CPVL: variants seen among roughly 807,000 people sequenced by gnomAD.
CPVL encodes the protein carboxypeptidase vitellogenic like, also known as probable serine carboxypeptidase CPVL.
CPVL carries 51 observed loss-of-function variants against 63.7 expected under a neutral mutation model. That is an observed-to-expected ratio of 0.80 (90% CI 0.64 to 1.01). The LOEUF (loss-of-function observed/expected upper bound fraction) is 1.01. CPVL is among the 50% of genes least tolerant of loss of function. The pLI is 0.00. For synonymous variants in CPVL, 195 were observed against 206.0 expected (o/e 0.95, Z 0.46); for missense variants, 530 against 573.1 (o/e 0.92, Z 0.77).
chr7:29,035,932 A>G (rs1216310952), intron 11 of CPVL, among the ~76,000 whole-genome samples: 2 of 152,224 alleles, frequency 1.3e-5, no homozygotes, highest in African/African-American at 2.4e-5. Flanking sequence ...TTTCCCTGGA[A>G]TTGGAATCAT....
rs368446497 is a variant in CPVL, at chr7:29,167,340, C to T, written c.-11+13950G>A. On this transcript the variant is annotated intron_variant, in intron 5 of 16. Coordinates refer to the CPVL transcript ENST00000409850. ...CCAGATGAACATGTATCTGTTCATTCATATTCTATCCTAAATGGTATTTCA... is the reference window on the plus strand; with the variant it reads ...CCAGATGAACATGTATCTGTTCATTTATATTCTATCCTAAATGGTATTTCA... Among the ~76,000 whole-genome samples, 14 of 152,244 alleles carry T rather than the reference C, an allele frequency of 9.2e-5. No individual in the cohort carries two copies. In the East Asian group the frequency reaches 1.2e-3, roughly 13 times the overall value.
chr7:29,164,706 G>GGGAGGC (rs1406232496), intron 5 of CPVL, among the ~76,000 whole-genome samples: 2 of 146,912 alleles, frequency 1.4e-5, no homozygotes, highest in Admixed American at 6.8e-5. Flanking sequence ...ACTTGAACCT[G>GGGAGGC]GGAGGCGGAG....
chr7:29,024,671 C>T (rs188588208), intron 12 of CPVL, among the ~76,000 whole-genome samples: 81 of 152,204 alleles, frequency 5.3e-4, no homozygotes, highest in African/African-American at 1.7e-3. Flanking sequence ...TTATAAGCCA[C>T]GAGAAAATGA....
At chr7:29,106,330 G>A (rs189358825) in intron 3 of CPVL, among the ~76,000 whole-genome samples, 1 of 152,222 alleles carries the variant, frequency 6.6e-6, no homozygotes, top group African/African-American at 2.4e-5. Flanking sequence ...AAGGCCTAGG[G>A]TATATTGTGT....
intron 3 of CPVL, among the ~76,000 whole-genome samples, chr7:29,110,409 G>T (rs1350813825): frequency 6.6e-6 from 1 of 152,148 alleles, no homozygotes; most frequent in Non-Finnish European, 1.5e-5. Context: ...TTTCTTTCTG[G>T]TAAAAGGCGT....
At chr7:28,996,583 C>T (rs1784094117) in intron 12 of CPVL, among the ~76,000 whole-genome samples, 1 of 150,238 alleles carries the variant, frequency 6.7e-6, no homozygotes, top group Non-Finnish European at 1.5e-5. Flanking sequence ...AAACTTGACA[C>T]TTGAAATGAA....
intron 11 of CPVL, among the ~76,000 whole-genome samples, chr7:29,050,830 C>G (rs548946203): frequency 8.6e-5 from 13 of 151,448 alleles, no homozygotes; most frequent in Admixed American, 3.3e-4. Context: ...CTGGAGGCAT[C>G]ACACTACCTG....
chr7:29,102,897 CAAT>C (rs1174688141), intron 3 of CPVL, among the ~76,000 whole-genome samples: 4 of 152,138 alleles, frequency 2.6e-5, no homozygotes, highest in Admixed American at 1.3e-4. Context: ...TGCTTATTCA[CAAT>C]GATGATGAAA....
Position 29,189,536 on chromosome 7 carries a change from T to C in CPVL, c.-447-2989A>G, listed in dbSNP as rs142121345. 2.6e-3 allele frequency among the ~76,000 whole-genome samples: 396 copies of C among 152,298 alleles called. 1 individual carries two copies. Among genetic ancestry groups the C allele is most frequent in the Non-Finnish European group, 4.6e-3 (316 of 68,008 alleles). ...TTTATCCTAGATTTCTCTTAGGACATTGAAGACAGAAAAGATGTTTGTAAC... is the reference window on the plus strand; with the variant it reads ...TTTATCCTAGATTTCTCTTAGGACACTGAAGACAGAAAAGATGTTTGTAAC... On this transcript the variant is annotated intron_variant, in intron 1 of 16. Transcript: ENST00000409850.
At chr7:29,001,377 A>G (rs1005071845) in intron 12 of CPVL, 5 of 152,162 alleles carry the variant, frequency 3.3e-5, no homozygotes, top group African/African-American at 1.2e-4. Context: ...GTGGTTTCTG[A>G]TTTACATGTA....
At chr7:29,165,244 C>G (rs1296884053) in intron 5 of CPVL, among the ~76,000 whole-genome samples, 1 of 152,050 alleles carries the variant, frequency 6.6e-6, no homozygotes, top group Non-Finnish European at 1.5e-5. Context: ...ATATAAAGGT[C>G]TTGCATAAGT....
intron 12 of CPVL, among the ~76,000 whole-genome samples, chr7:29,023,328 C>A (rs145550868): frequency 4.1e-4 from 62 of 152,344 alleles, no homozygotes; most frequent in African/African-American, 1.4e-3. Context: ...AAAGGCCCAT[C>A]TTATAGGGCA....
rs202217142 is a variant in CPVL at position 29,107,769 on chromosome 7, G to T, written c.288+4935C>A. The stretch of plus-strand genomic sequence containing the variant: ...ATTTCTGGTGAGCAGTAGCACATTT[G>T]GGAATTCCTGTCCTCTTCCACATTA... On this transcript the variant is annotated intron_variant, in intron 3 of 12. Coordinates refer to ENST00000265394, the MANE Select transcript of CPVL (RefSeq NM_031311.5). Among the ~76,000 whole-genome samples the T allele has an allele frequency of 4.9e-3, 752 of 152,270 alleles. 8 individuals are homozygous for T. Among genetic ancestry groups the T allele is most frequent in the African/African-American group, 0.017 (716 of 41,564 alleles).
At chr7:29,143,265 C>G (rs757119004) in intron 1 of CPVL, among the ~76,000 whole-genome samples, 35 of 152,228 alleles carry the variant, frequency 2.3e-4, no homozygotes, top group Non-Finnish European at 4.4e-4. Context: ...CCTAACCCTA[C>G]CCTGCCTTTT....
chr7:29,096,075 T>C (rs1786372621), intron 4 of CPVL, 28 bp downstream of exon 4: 3 of 1,546,538 alleles, frequency 1.9e-6, no homozygotes, highest in Admixed American at 1.7e-5. Context: ...AAAGATTCTA[T>C]AGGAAATACA....
At chr7:29,036,241 T>A (rs1179816920) in intron 11 of CPVL, among the ~76,000 whole-genome samples, 1 of 152,152 alleles carries the variant, frequency 6.6e-6, no homozygotes, top group East Asian at 1.9e-4. Flanking sequence ...TTCAGCCCCT[T>A]TTCTGGACAT....
Position 29,114,017 on chromosome 7 carries a change from G to A in CPVL, c.170-1195C>T, listed in dbSNP as rs191757396. On this transcript the variant is annotated intron_variant, in intron 2 of 12. Coordinates refer to ENST00000265394, the MANE Select transcript of CPVL (RefSeq NM_031311.5). ...GAAGCTTGACTCCTCACATGCCATC[G>A]ACTAAAGATGCCTTTGACGGTAGGT... Among the ~76,000 whole-genome samples the A allele has an allele frequency of 2.8e-3, 422 of 152,278 alleles. 2 individuals carry two copies. The highest frequency in any genetic ancestry group is 4.5e-3 in the Non-Finnish European group (306 of 68,026).
At chr7:29,057,556 C>G (rs992013532) in intron 11 of CPVL, among the ~76,000 whole-genome samples, 1 of 152,112 alleles carries the variant, frequency 6.6e-6, no homozygotes, top group Non-Finnish European at 1.5e-5. Flanking sequence ...AGCATTGTAT[C>G]TGAAACATCA....
At chr7:29,133,909 CA>C (rs1334043179) in intron 1 of CPVL, among the ~76,000 whole-genome samples, 2 of 151,990 alleles carry the variant, frequency 1.3e-5, no homozygotes, top group African/African-American at 2.4e-5. Context: ...CTGCAGAAGG[CA>C]AAAGTAAAGT....
Sources: allele counts gnomAD v4.1 joint callset (sites outside exome capture counted in the v4.1 genomes callset), GRCh38; gene constraint gnomAD v4.1.1; transcripts MANE v1.5; gene names NCBI Gene and HGNC (gene_info 2026-07-23, HGNC 2026-07-21).